REPS2: variants seen among roughly 807,000 people sequenced by gnomAD.
REPS2 encodes the protein RALBP1 associated Eps domain containing 2, also known as ralBP1-associated Eps domain-containing protein 2.
REPS2 carries 23 observed loss-of-function variants against 53.6 expected under a neutral mutation model. That is an observed-to-expected ratio of 0.43 (90% CI 0.31 to 0.61). The LOEUF is 0.61. Ranked by LOEUF, REPS2 falls within the 20% of genes least tolerant of loss-of-function variation. The pLI is 0.11. For missense variants in REPS2, 446 were observed against 534.9 expected (o/e 0.83, Z 1.64); for synonymous variants, 238 against 218.6 (o/e 1.09, Z -0.78).
intron 1 of REPS2, among the ~76,000 whole-genome samples, chrX:16,997,331 A>G (rs2061245761): frequency 8.9e-6 from 1 of 112,698 alleles, no homozygotes; most frequent in Admixed American, 9.4e-5. Context: ...TACCCTCAGT[A>G]AATGTTAGTT....
rs746608999 is a variant in REPS2 at position 16,946,753 on chromosome X, T to TGGC, written c.-90_-88dup. On this transcript the variant is annotated 5_prime_UTR_variant, in exon 1 of 18. Transcript: ENST00000357277. ...GGGGTGGTGGTGGCGGCGGCGGTGG[T>TGGC]GGCGGCGGCGGCGGCGGCGGCAGCT... 4,039 of 722,137 alleles carry TGGC rather than the reference T, an allele frequency of 5.6e-3. 138 individuals carry two copies. The African/African-American group carries it at 0.088, about 16-fold the overall frequency. The allele number at this position is 722,137 out of a possible 1,213,427, so 59.5% of individuals were successfully genotyped here. A position where few individuals can be genotyped will look rare whatever the true frequency, so the allele number is the denominator to read the frequency against.
At chrX:17,074,804 C>T (rs2062357492) in intron 12 of REPS2, among the ~76,000 whole-genome samples, 1 of 111,773 alleles carries the variant, frequency 8.9e-6, no homozygotes, top group African/African-American at 3.3e-5. Flanking sequence ...GGTATTGGTA[C>T]TGTATTTCAC....
At chrX:17,195,391 G>A in the REPS2 span, among the ~76,000 whole-genome samples, 23 of 112,012 alleles carry the variant, frequency 2.1e-4, no homozygotes, top group African/African-American at 6.5e-4. Context: ...TTTAAAGCAC[G>A]ATTGCTGATT....
Position 17,047,394 on chromosome X carries a change from C to T in REPS2, c.819C>T (p.Asp273=), listed in dbSNP as rs2061922698. The change falls in exon 6 of 18, where the codon GAC becomes GAT. Residue 273 remains aspartate (D), a synonymous_variant. Coordinates refer to ENST00000357277, the MANE Select transcript of REPS2 (RefSeq NM_004726.3). ...TACAGGATAACAGCAGTTACCCCGA[C>T]GAACCCTGGAGGATAACAGAAGAAC... ...RELQDNSSYP[D]EPWRITEEQR... is the part of the protein sequence containing the mutation. The T allele has an allele frequency of 2.5e-6, 3 of 1,210,478 alleles. No individual in the cohort carries two copies. Among genetic ancestry groups the T allele is most frequent in the Non-Finnish European group, 2.2e-6 (2 of 894,416 alleles).
chrX:17,019,199 A>G (rs1467181837), intron 2 of REPS2, among the ~76,000 whole-genome samples: 1 of 112,341 alleles, frequency 8.9e-6, no homozygotes, highest in Middle Eastern at 4.2e-3. Context: ...AAAAAGGAGC[A>G]GGCATAATTT....
In REPS2 at chrX:17,019,255, C is replaced by A. The variant is rs1360700086; in HGVS notation, c.398-2868C>A. Among the ~76,000 whole-genome samples, 4 of 112,380 alleles carry A rather than the reference C, an allele frequency of 3.6e-5. No individual in the cohort carries two copies. The South Asian group carries it at 1.5e-3, about 41-fold the overall frequency. ...AGTCATTTATGTTTAATATACAAAG[C>A]ATTTCTGTGTTCAAAGAATGTAACC... On this transcript the variant is annotated intron_variant, in intron 2 of 17. Transcript: ENST00000357277.
chrX:17,057,716 C>G (rs1322485219), intron 8 of REPS2, among the ~76,000 whole-genome samples: 2 of 112,524 alleles, frequency 1.8e-5, no homozygotes, highest in Non-Finnish European at 3.8e-5. Flanking sequence ...CTTGTCTTGT[C>G]TTGTCTTTTT....
At chrX:16,972,780 T>C (rs927608085) in intron 1 of REPS2, among the ~76,000 whole-genome samples, 1 of 112,016 alleles carries the variant, frequency 8.9e-6, no homozygotes, top group African/African-American at 3.2e-5. Flanking sequence ...ATTCAATCAC[T>C]CAAGGGATGA....
At chrX:16,983,566 G>A (rs2061049618) in intron 1 of REPS2, among the ~76,000 whole-genome samples, 2 of 112,222 alleles carry the variant, frequency 1.8e-5, no homozygotes, top group Non-Finnish European at 3.8e-5. Context: ...GCAGTGGTGC[G>A]ATCTTGTCTC....
At chrX:17,161,160 A>G in the REPS2 span, among the ~76,000 whole-genome samples, 1 of 111,058 alleles carries the variant, frequency 9.0e-6, no homozygotes, top group African/African-American at 3.3e-5. Flanking sequence ...AATAGATGGG[A>G]ATTATAGGGG....
intron 14 of REPS2, among the ~76,000 whole-genome samples, chrX:17,118,201 C>T (rs1012751722): frequency 9.2e-5 from 10 of 108,287 alleles, no homozygotes; most frequent in Non-Finnish European, 1.9e-4. Flanking sequence ...CCTCGTGATC[C>T]GCCCGCCTCG....
At chrX:17,183,644 T>A in the REPS2 span, among the ~76,000 whole-genome samples, 2 of 112,333 alleles carry the variant, frequency 1.8e-5, no homozygotes, top group Admixed American at 1.9e-4. Context: ...AACAGCCTCC[T>A]AACCAGGCTT....
intron 3 of REPS2, among the ~76,000 whole-genome samples, chrX:17,024,840 A>G (rs1359694007): frequency 8.9e-6 from 1 of 111,852 alleles, no homozygotes; most frequent in Admixed American, 9.5e-5. Context: ...GGTTTTAGTA[A>G]TTTAGGTAAC....
the REPS2 span, among the ~76,000 whole-genome samples, chrX:17,187,988 A>C: frequency 8.9e-6 from 1 of 111,957 alleles, no homozygotes; most frequent in Non-Finnish European, 1.9e-5. Context: ...CTTTTTTCGG[A>C]AACCAGGTCT....
rs772503442 is a variant in REPS2 at position 17,020,833 on chromosome X, G to C, written c.398-1290G>C. Among the ~76,000 whole-genome samples, 287 of 110,873 alleles carry C rather than the reference G, an allele frequency of 2.6e-3. 2 individuals are homozygous for C. The highest frequency in any genetic ancestry group is 9.1e-3 in the African/African-American group (278 of 30,485). The stretch of plus-strand genomic sequence containing the variant: ...TTGTGTAGAGACGGGGTTTTACCAT[G>C]TTGGCCAGGTTAGTTTCGAACTCCT... On this transcript the variant is annotated intron_variant, in intron 2 of 17. Transcript: ENST00000357277.
chrX:17,018,870 T>TG (rs1422162632), intron 2 of REPS2, among the ~76,000 whole-genome samples: 3 of 111,126 alleles, frequency 2.7e-5, no homozygotes, highest in Non-Finnish European at 5.7e-5. Context: ...TGGAGTGCAG[T>TG]GGCATGATGC....
chrX:16,977,583 G>T (rs922436560), intron 1 of REPS2, among the ~76,000 whole-genome samples: 11 of 109,155 alleles, frequency 1.0e-4, no homozygotes, highest in African/African-American at 3.3e-4. Context: ...GGGCATGTTG[G>T]TATACTCCTG....
At chrX:17,036,765 C>G (rs951180325) in intron 5 of REPS2, among the ~76,000 whole-genome samples, 2 of 111,255 alleles carry the variant, frequency 1.8e-5, no homozygotes, top group Admixed American at 9.5e-5. Flanking sequence ...ATTGCTTAGA[C>G]AGCTAAATTA....
intron 1 of REPS2, among the ~76,000 whole-genome samples, chrX:16,953,616 T>C (rs1162864610): frequency 1.8e-5 from 2 of 112,687 alleles, no homozygotes; most frequent in Admixed American, 9.4e-5. Flanking sequence ...GTATTCTGTG[T>C]AACCTTCTGC....
Sources: gnomAD v4.1 joint callset for allele counts (sites outside exome capture counted in the v4.1 genomes callset) on GRCh38, gnomAD v4.1.1 for gene constraint, MANE v1.5 for transcripts, NCBI Gene and HGNC (gene_info 2026-07-23, HGNC 2026-07-21) for gene names.